The following CCDC6 variants were observed in gnomAD, a reference collection of about 807,000 sequenced individuals.
The protein encoded by CCDC6 is coiled-coil domain-containing protein 6.
CCDC6 carries 20 observed loss-of-function variants against 56.6 expected under a neutral mutation model. The observed-to-expected ratio is 0.35, with a 90% CI of 0.25 to 0.51. The LOEUF is 0.51. Among genes scored for constraint, CCDC6 ranks in the 20% least tolerant of loss-of-function variants. The pLI is 0.95. For missense variants in CCDC6, 367 were observed against 601.1 expected (o/e 0.61, Z 4.07); for synonymous variants, 241 against 234.4 (o/e 1.03, Z -0.26).
chr10:59,804,602 G>T, intron 6 of CCDC6, 82 bp from the exon 7 acceptor site: 3 of 798,642 alleles, frequency 3.8e-6, no homozygotes, highest in Non-Finnish European at 6.6e-6. Context: ...AATGTTTGGG[G>T]TTCACACCTT....
In CCDC6 at chr10:59,812,780, T is replaced by G; in HGVS notation, c.702A>C (p.Lys234Asn). 6.2e-7 allele frequency: 1 copy of G among 1,602,958 alleles called. No individual in the cohort carries two copies. Among genetic ancestry groups the G allele is most frequent in the Non-Finnish European group, 8.5e-7 (1 of 1,174,514 alleles). The stretch of plus-strand genomic sequence containing the variant: ...GTGGAGCAGAGACGGGCTGGTCTAA[T>G]TTTTCCTGCAGGATTCTTCATTGAA... ...LEAEKRILQEKLDQPVSAPPS... is the reference protein window; with the variant it reads ...LEAEKRILQENLDQPVSAPPS... Residue 234 changes from lysine to asparagine, a missense_variant, in exon 5 of 9, where the codon AAA (lysine) becomes AAC (asparagine). Transcript: ENST00000263102.
chr10:59,886,618 T>A (rs1187413414), intron 1 of CCDC6, among the ~76,000 whole-genome samples: 1 of 152,214 alleles, frequency 6.6e-6, no homozygotes, highest in Non-Finnish European at 1.5e-5. Context: ...ATATTTCCTG[T>A]AGATTATAAA....
chr10:59,873,994 T>C (rs745880522), intron 1 of CCDC6, among the ~76,000 whole-genome samples: 3 of 152,156 alleles, frequency 2.0e-5, no homozygotes, highest in South Asian at 2.1e-4. Flanking sequence ...AAATCCCAAA[T>C]GCTGCAAAAT....
At chr10:59,868,949 C>T (rs1027427647) in intron 1 of CCDC6, among the ~76,000 whole-genome samples, 4 of 148,724 alleles carry the variant, frequency 2.7e-5, no homozygotes, top group Non-Finnish European at 2.9e-5. Context: ...TTTTGCTTTG[C>T]GGCCTTTTGT....
At chr10:59,808,265 C>T (rs1421303117) in intron 5 of CCDC6, among the ~76,000 whole-genome samples, 1 of 152,170 alleles carries the variant, frequency 6.6e-6, no homozygotes, top group Non-Finnish European at 1.5e-5. Flanking sequence ...GGGGAACTGA[C>T]ATCTTTATGG....
At chr10:59,880,256 T>C (rs1425429271) in intron 1 of CCDC6, among the ~76,000 whole-genome samples, 1 of 152,084 alleles carries the variant, frequency 6.6e-6, no homozygotes, top group Non-Finnish European at 1.5e-5. Flanking sequence ...TTACAAGTTC[T>C]GAAAATACCA....
intron 2 of CCDC6, among the ~76,000 whole-genome samples, chr10:59,850,798 G>A (rs2071032353): frequency 1.3e-5 from 2 of 152,090 alleles, no homozygotes; most frequent in South Asian, 4.1e-4. Context: ...GAGGATGCTT[G>A]GAGCTTCAAT....
chr10:59,848,152 G>C (rs2071009423), intron 2 of CCDC6, among the ~76,000 whole-genome samples: 1 of 152,164 alleles, frequency 6.6e-6, no homozygotes, highest in South Asian at 2.1e-4. Flanking sequence ...AAGCTACCCA[G>C]AACTGCCAAG....
At chr10:59,867,336 T>A (rs936424182) in intron 1 of CCDC6, among the ~76,000 whole-genome samples, 1 of 152,138 alleles carries the variant, frequency 6.6e-6, no homozygotes, top group African/African-American at 2.4e-5. Context: ...GGGTCACACA[T>A]GCCTCATCAT....
intron 3 of CCDC6, among the ~76,000 whole-genome samples, chr10:59,824,071 AGTTGACC>A (rs2070767824): frequency 6.6e-6 from 1 of 152,212 alleles, no homozygotes. Context: ...CATCTGTACA[AGTTGACC>A]TATATGTGGC....
intron 1 of CCDC6, among the ~76,000 whole-genome samples, chr10:59,888,790 G>A: frequency 6.6e-6 from 1 of 152,188 alleles, no homozygotes; most frequent in East Asian, 1.9e-4. Context: ...AATCAGTGAA[G>A]CTGGTGGTTT....
intron 2 of CCDC6, among the ~76,000 whole-genome samples, chr10:59,833,109 A>G (rs1011416134): frequency 3.9e-5 from 6 of 152,216 alleles, no homozygotes; most frequent in African/African-American, 1.4e-4. Flanking sequence ...ATTTTTCCAT[A>G]CAGAGACTGT....
intron 3 of CCDC6, among the ~76,000 whole-genome samples, chr10:59,819,456 C>A (rs572578849): frequency 6.6e-6 from 1 of 152,282 alleles, no homozygotes; most frequent in South Asian, 2.1e-4. Flanking sequence ...TTAATTTCCC[C>A]TGAAGTTCTT....
At chr10:59,896,245 TAAAAATA>T (rs2071462373) in intron 1 of CCDC6, among the ~76,000 whole-genome samples, 2 of 152,046 alleles carry the variant, frequency 1.3e-5, no homozygotes, top group Non-Finnish European at 2.9e-5. Flanking sequence ...TACATTTCAT[TAAAAATA>T]AAAAATAAAA....
chr10:59,794,612 C>T lies in CCDC6; in HGVS notation c.1106-15G>A, dbSNP rs2070497449. On this transcript the variant is annotated splice_polypyrimidine_tract_variant and intron_variant, in intron 7 of 8. Transcript: ENST00000263102. Reference sequence around the variant, plus strand: ...ATATGATAGACCTAAAATATAACAACAAATTAAGTATCATTTTAAGCTCAA... The same window carrying T: ...ATATGATAGACCTAAAATATAACAATAAATTAAGTATCATTTTAAGCTCAA... The T allele has an allele frequency of 6.2e-7, 1 of 1,612,394 alleles. No homozygotes were observed. The highest frequency in any genetic ancestry group is 8.5e-7 in the Non-Finnish European group (1 of 1,178,752).
chr10:59,831,284 A>C (rs1350413528), intron 3 of CCDC6, among the ~76,000 whole-genome samples: 1 of 152,228 alleles, frequency 6.6e-6, no homozygotes, highest in African/African-American at 2.4e-5. Context: ...AAGGATGACA[A>C]CACTTTTAGG....
intron 1 of CCDC6, among the ~76,000 whole-genome samples, chr10:59,866,722 G>A (rs1280666614): frequency 6.6e-6 from 1 of 152,138 alleles, no homozygotes; most frequent in Non-Finnish European, 1.5e-5. Flanking sequence ...CCCTGGAATG[G>A]CTCCAAGGCT....
intron 2 of CCDC6, among the ~76,000 whole-genome samples, chr10:59,833,846 G>A (rs1038413969): frequency 2.6e-5 from 4 of 152,064 alleles, no homozygotes; most frequent in South Asian, 2.1e-4. Flanking sequence ...ATTTAGACAG[G>A]CATGGTCACT....
intron 1 of CCDC6, among the ~76,000 whole-genome samples, chr10:59,897,018 C>A (rs1364546718): frequency 6.6e-6 from 1 of 152,152 alleles, no homozygotes; most frequent in Non-Finnish European, 1.5e-5. Flanking sequence ...AGAAGTCTAA[C>A]TCTACTTTAT....
Sources: gnomAD v4.1 joint callset for allele counts (sites outside exome capture counted in the v4.1 genomes callset) on GRCh38, gnomAD v4.1.1 for gene constraint, MANE v1.5 for transcripts, NCBI Gene and HGNC (gene_info 2026-07-23, HGNC 2026-07-21) for gene names.